CLTC: variants seen among roughly 807,000 people sequenced by gnomAD.
The protein encoded by CLTC is clathrin heavy chain 1.
A neutral mutation model predicts 195.8 loss-of-function variants in CLTC; 16 were observed. The ratio of observed to expected loss-of-function variants is 0.08; its 90% CI spans 0.06 to 0.12. The LOEUF (loss-of-function observed/expected upper bound fraction) is 0.12, where lower values mean the gene tolerates loss of function less well. Ranked by LOEUF, CLTC falls within the 10% of genes least tolerant of loss-of-function variation. The probability of loss-of-function intolerance (pLI) is 1.00; values close to 1 mark genes in which losing one functional copy is unlikely to be tolerated. For synonymous variants in CLTC, 667 were observed against 689.4 expected, an observed-to-expected ratio of 0.97 and a Z score of 0.51; for missense variants, 796 against 2,027.0, an observed-to-expected ratio of 0.39 and a Z score of 11.66.
At chr17:59,684,220 A>G (rs2033132689) in intron 28 of CLTC, 1 of 429,626 alleles carries the variant, frequency 2.3e-6, no homozygotes, top group South Asian at 3.4e-5. Context: ...TGATTACTTT[A>G]TCTCTAACAT....
chr17:59,690,746 G>T, intron 31 of CLTC, 35 bp downstream of exon 31: 1 of 1,483,684 alleles, frequency 6.7e-7, no homozygotes, highest in Non-Finnish European at 9.4e-7. Flanking sequence ...AAATTCATTA[G>T]ACAAATATTT....
chr17:59,689,971 T>C (rs1003554668), intron 30 of CLTC: 2 of 152,198 alleles, frequency 1.3e-5, no homozygotes, highest in Admixed American at 6.5e-5. Flanking sequence ...CTTTGAAGAG[T>C]AGCTAGCATA....
rs749424905 is a variant in CLTC, at chr17:59,668,914, C to G, written c.2266C>G (p.Pro756Ala). Reference protein sequence around the residue: ...RICRESNCYDPERVKNFLKEA... With the variant: ...RICRESNCYDAERVKNFLKEA... ...CTGTAGAGAAAGCAACTGCTACGAT[C>G]CTGAGCGAGTCAAGAATTTTCTTAA... Residue 756 changes from proline (P) to alanine (A), a missense_variant, in exon 14 of 32, where the codon CCT (proline) becomes GCT (alanine). Around this residue, in one of 9 missense-constraint regions of CLTC, gnomAD observed 160 missense variants for 448.2 expected, o/e 0.36. Coordinates refer to ENST00000269122, the MANE Select transcript of CLTC (RefSeq NM_004859.4). 1 of 1,610,210 alleles carries G rather than the reference C, an allele frequency of 6.2e-7. No homozygotes were observed. Among genetic ancestry groups the G allele is most frequent in the Non-Finnish European group, 8.5e-7 (1 of 1,178,874 alleles).
At chr17:59,647,025 G>A (rs2032213169) in intron 2 of CLTC, among the ~76,000 whole-genome samples, 1 of 152,142 alleles carries the variant, frequency 6.6e-6, no homozygotes, top group African/African-American at 2.4e-5. Context: ...GCTTTGTCTT[G>A]TGTACATGCA....
At chr17:59,629,646 A>G (rs2031653859) in intron 1 of CLTC, among the ~76,000 whole-genome samples, 1 of 148,642 alleles carries the variant, frequency 6.7e-6, no homozygotes, top group Non-Finnish European at 1.5e-5. Context: ...TAAGCCTCCC[A>G]AGTAGCTGGG....
intron 1 of CLTC, among the ~76,000 whole-genome samples, chr17:59,623,546 A>T (rs1013085526): frequency 2.0e-5 from 3 of 152,256 alleles, no homozygotes; most frequent in African/African-American, 7.2e-5. Flanking sequence ...TTCACATTTC[A>T]GGAACCATGG....
intron 17 of CLTC, 74 bp downstream of exon 17, chr17:59,677,262 T>C: frequency 8.6e-7 from 1 of 1,168,680 alleles, no homozygotes; most frequent in Non-Finnish European, 1.3e-6. Context: ...TCAGGGTAAT[T>C]TTAGGTAATA....
At chr17:59,643,132 GGTGTGTGTGTGTGTGTGTGT>G (rs59380117) in intron 1 of CLTC, among the ~76,000 whole-genome samples, 1 of 142,234 alleles carries the variant, frequency 7.0e-6, no homozygotes, top group Admixed American at 7.0e-5. Context: ...TCTTTTCTGG[GGTGTGTGTGTGTGTGTGTGT>G]GTGTGTGTGT....
chr17:59,631,477 T>C (rs1293018899), intron 1 of CLTC, among the ~76,000 whole-genome samples: 3 of 152,202 alleles, frequency 2.0e-5, no homozygotes, highest in Admixed American at 6.5e-5. Context: ...AAGAAAACTT[T>C]AGAAAATTGT....
chr17:59,681,117 A>G lies in CLTC; in HGVS notation c.3065+60A>G. ...GTCAGTCTTTAATAAATTATGGCCC[A>G]TCAGTTTTGGGAAGGAACAAAAAGA... is the stretch of plus-strand genomic sequence containing the variant. On this transcript the variant is annotated intron_variant, in intron 19 of 31. Coordinates refer to ENST00000269122, the MANE Select transcript of CLTC (RefSeq NM_004859.4). This position sits in a 1 kb window ranked among gnomAD's most constrained non-coding sequence, Gnocchi z 5.0. 2 of 1,568,618 alleles carry G rather than the reference A, an allele frequency of 1.3e-6. No individual in the cohort carries two copies. The highest frequency in any genetic ancestry group is 8.7e-7 in the Non-Finnish European group (1 of 1,153,608).
At position 59,683,781 on chromosome 17, in the gene CLTC, G is replaced by A; in HGVS notation, c.4323+25G>A. The A allele has an allele frequency of 6.2e-7, 1 of 1,613,998 alleles. No homozygotes were observed. The highest frequency in any genetic ancestry group is 8.5e-7 in the Non-Finnish European group (1 of 1,179,958). On this transcript the variant is annotated intron_variant, in intron 27 of 31. Coordinates refer to ENST00000269122, the MANE Select transcript of CLTC (RefSeq NM_004859.4). The surrounding 1 kb of genome is among the most constrained non-coding windows in gnomAD (Gnocchi z 6.1). ...GGTAAAGTAATAATTTTAAACCAAA[G>A]CTTCATAGCAAGGAATTAGGACATA... is the stretch of plus-strand genomic sequence containing the variant.
intron 1 of CLTC, among the ~76,000 whole-genome samples, chr17:59,622,595 G>A (rs2031416882): frequency 6.6e-6 from 1 of 151,966 alleles, no homozygotes; most frequent in South Asian, 2.1e-4. Context: ...GGCTAGTCTC[G>A]AATGCCTGGG....
chr17:59,669,340 G>C lies in CLTC; in HGVS notation c.2292+400G>C, dbSNP rs2032796866. Among the ~76,000 whole-genome samples the C allele has an allele frequency of 1.3e-5, 2 of 152,138 alleles. 1 individual carries two copies. Among genetic ancestry groups the C allele is most frequent in the South Asian group, 4.1e-4 (2 of 4,834 alleles). Reference sequence around the variant, plus strand: ...TCTATTGTAGGCAAAGGGATCTGTTGTCTAAGGAATGTATAGGTTTACCTC... The same window carrying C: ...TCTATTGTAGGCAAAGGGATCTGTTCTCTAAGGAATGTATAGGTTTACCTC... On this transcript the variant is annotated intron_variant, in intron 14 of 31. Coordinates refer to ENST00000269122, the MANE Select transcript of CLTC (RefSeq NM_004859.4).
At position 59,683,413 on chromosome 17, in the gene CLTC, T is replaced by C; in HGVS notation, c.4068T>C (p.His1356=). The change falls in exon 26 of 32, where the codon CAT becomes CAC. Residue 1356 remains histidine, a synonymous_variant. Transcript: ENST00000269122. The surrounding 1 kb of genome is among the most constrained non-coding windows in gnomAD (Gnocchi z 6.1). ...TGCTAAGAGCTGCAGAACAAGCTCA[T>C]CTTTGGGCAGAACTGGTGTTTTTGT... ...PKVLRAAEQA[H]LWAELVFLYD... is the part of the protein sequence containing the mutation. 12 of 1,613,632 alleles carry C rather than the reference T, an allele frequency of 7.4e-6. No individual in the cohort carries two copies. Among genetic ancestry groups the C allele is most frequent in the Non-Finnish European group, 8.5e-6 (10 of 1,179,780 alleles).
chr17:59,666,694 A>G lies in CLTC; in HGVS notation c.1947+50A>G. The G allele has an allele frequency of 6.4e-7, 1 of 1,571,858 alleles. No homozygotes were observed. ...ATGGTGTTAGTTGTGATTAATAGGTACACTGAAAATGTGTTTGTGGTACTA... is the reference window on the plus strand; with the variant it reads ...ATGGTGTTAGTTGTGATTAATAGGTGCACTGAAAATGTGTTTGTGGTACTA... On this transcript the variant is annotated intron_variant, in intron 12 of 31. Coordinates refer to ENST00000269122, the MANE Select transcript of CLTC (RefSeq NM_004859.4). This position sits in a 1 kb window ranked among gnomAD's most constrained non-coding sequence, Gnocchi z 4.9.
Position 59,666,782 on chromosome 17 carries a change from T to G in CLTC, c.1948-15T>G, listed in dbSNP as rs751911185. On this transcript the variant is annotated splice_polypyrimidine_tract_variant and intron_variant, in intron 12 of 31. Coordinates refer to ENST00000269122, the MANE Select transcript of CLTC (RefSeq NM_004859.4). This position sits in a 1 kb window ranked among gnomAD's most constrained non-coding sequence, Gnocchi z 4.9. ...TATTTCATTTATTCATTCATTCATT[T>G]ATTTTGTCTTGTAGTGGTTAGTCAA... is the stretch of plus-strand genomic sequence containing the variant. 1.3e-6 allele frequency: 2 copies of G among 1,591,916 alleles called. No individual in the cohort carries two copies. Among genetic ancestry groups the G allele is most frequent in the Non-Finnish European group, 1.7e-6 (2 of 1,166,606 alleles).
At position 59,681,464 on chromosome 17, in the gene CLTC, A is replaced by G; in HGVS notation, c.3235A>G (p.Thr1079Ala). 1 of 1,614,018 alleles carries G rather than the reference A, an allele frequency of 6.2e-7. No individual in the cohort carries two copies. Among genetic ancestry groups the G allele is most frequent in the Non-Finnish European group, 8.5e-7 (1 of 1,179,954 alleles). ...FAIFRKFDVN[T>A]SAVQVLIEHI... ...CATTTTCCGGAAATTTGATGTCAAT[A>G]CTTCAGCAGTTCAGGTAAATCTTCA... The change falls in exon 20 of 32, where the codon ACT (threonine) becomes GCT (alanine). Residue 1079 changes from threonine (T) to alanine (A), a missense_variant. By Grantham distance (58) the Thr-to-Ala change is moderately conservative. Around this residue, in one of 9 missense-constraint regions of CLTC, gnomAD observed 160 missense variants for 448.2 expected, o/e 0.36. Coordinates refer to ENST00000269122, the MANE Select transcript of CLTC (RefSeq NM_004859.4). This position sits in a 1 kb window ranked among gnomAD's most constrained non-coding sequence, Gnocchi z 5.0.
intron 30 of CLTC, chr17:59,690,075 A>G (rs1031869566): frequency 6.6e-6 from 1 of 152,234 alleles, no homozygotes; most frequent in Non-Finnish European, 1.5e-5. Flanking sequence ...GAGCCCACAC[A>G]GTATTAAAAC....
chr17:59,641,649 T>C (rs886602083), intron 1 of CLTC, among the ~76,000 whole-genome samples: 2 of 149,768 alleles, frequency 1.3e-5, no homozygotes, highest in African/African-American at 2.4e-5. Flanking sequence ...TTGCCTCCTG[T>C]TTAATTTTGC....
Sources: allele counts gnomAD v4.1 joint callset (sites outside exome capture counted in the v4.1 genomes callset), GRCh38; gene constraint gnomAD v4.1.1; regional missense constraint gnomAD v4.1.1; non-coding constraint Gnocchi (gnomAD v3.1); transcripts MANE v1.5; gene names NCBI Gene and HGNC (gene_info 2026-07-23, HGNC 2026-07-21).